Variants in PCDHGB1 observed in about 807,000 individuals in gnomAD.
PCDHGB1 encodes protocadherin gamma-B1.
In PCDHGB1, 34 loss-of-function variants were observed where a neutral mutation model predicts 56.6. That is an observed-to-expected ratio of 0.60 (90% CI 0.46 to 0.80). The LOEUF (loss-of-function observed/expected upper bound fraction) is 0.80, where lower values mean the gene tolerates loss of function less well. PCDHGB1 is among the 30% of genes least tolerant of loss of function. The probability of loss-of-function intolerance (pLI) is 0.00; values close to 1 mark genes in which losing one functional copy is unlikely to be tolerated. For missense variants in PCDHGB1, 1,278 were observed against 1,204.6 expected (o/e 1.06, Z -0.90); for synonymous variants, 561 against 505.9 (o/e 1.11, Z -1.46).
intron 1 of PCDHGB1, chr5:141,374,866 G>T (rs956228027): frequency 3.1e-6 from 5 of 1,613,750 alleles, no homozygotes; most frequent in Non-Finnish European, 4.2e-6. Context: ...GCACACCAGT[G>T]TTGGCAGTGA....
In PCDHGB1 at chr5:141,358,636, T is replaced by C. The variant is rs115557619; in HGVS notation, c.2409+5967T>C. On this transcript the variant is annotated intron_variant, in intron 1 of 3. Coordinates refer to ENST00000523390, the MANE Select transcript of PCDHGB1 (RefSeq NM_018922.3). ...TATTTCCAAGCTAATTTCAGTCATA[T>C]ATAAGTAGATTCTAGGAGTAACTTT... Among the ~76,000 whole-genome samples, 216 of 152,290 alleles carry C rather than the reference T, an allele frequency of 1.4e-3. 2 individuals carry two copies. The highest frequency in any genetic ancestry group is 5.0e-3 in the African/African-American group (206 of 41,584).
Position 141,351,167 on chromosome 5 carries a change from T to C in PCDHGB1, c.907T>C (p.Leu303=). ...TGGCGACATCACAACCAATGGCACA[T>C]TGGATTTTGAAGAGACAAGTAGATA... The part of the protein sequence containing the change: ...NTGDITTNGT[L]DFEETSRYVL... The change falls in exon 1 of 4, where the codon TTG becomes CTG. Residue 303 remains leucine, a synonymous_variant. Coordinates refer to ENST00000523390, the MANE Select transcript of PCDHGB1 (RefSeq NM_018922.3). 4.3e-6 allele frequency: 7 copies of C among 1,613,944 alleles called. No individual in the cohort carries two copies. Among genetic ancestry groups the C allele is most frequent in the Non-Finnish European group, 5.9e-6 (7 of 1,179,862 alleles).
intron 1 of PCDHGB1, chr5:141,372,569 C>T (rs1768882362): frequency 1.9e-6 from 3 of 1,614,034 alleles, no homozygotes; most frequent in African/African-American, 2.7e-5. Context: ...CCACTGAGGG[C>T]TACTTTCAGC....
chr5:141,465,056 G>A (rs908104635), intron 1 of PCDHGB1, among the ~76,000 whole-genome samples: 9 of 151,044 alleles, frequency 6.0e-5, no homozygotes, highest in Non-Finnish European at 1.3e-4. Context: ...ATATTTTTTT[G>A]AATTGTCTGT....
At chr5:141,427,557 A>G (rs1437024906) in intron 1 of PCDHGB1, 1 of 650,060 alleles carries the variant, frequency 1.5e-6, no homozygotes, top group Non-Finnish European at 2.8e-6. Flanking sequence ...TGCCACTGAC[A>G]AGGGCAAGCC....
intron 1 of PCDHGB1, chr5:141,364,834 G>T: frequency 6.2e-7 from 1 of 1,613,982 alleles, no homozygotes. Context: ...ACTCTCTCCG[G>T]AGTTACCAGC....
chr5:141,389,770 C>A, intron 1 of PCDHGB1: 4 of 1,613,166 alleles, frequency 2.5e-6, no homozygotes, highest in Non-Finnish European at 3.4e-6. Context: ...ACAGCGCGTG[C>A]CTTAGGCGAC....
chr5:141,410,104 C>G, intron 1 of PCDHGB1: 1 of 1,612,582 alleles, frequency 6.2e-7, no homozygotes, highest in Non-Finnish European at 8.5e-7. Context: ...CCTTAGGCGA[C>G]AGGGACGCAG....
intron 1 of PCDHGB1, 110 bp from the exon 2 acceptor site, chr5:141,494,697 T>C: frequency 6.3e-7 from 1 of 1,590,934 alleles, no homozygotes; most frequent in Non-Finnish European, 8.6e-7. Flanking sequence ...TAGTCCGTTT[T>C]CTTCTCTGTG....
chr5:141,428,341 C>T, intron 1 of PCDHGB1: 1 of 602,086 alleles, frequency 1.7e-6, no homozygotes, highest in Non-Finnish European at 3.0e-6. Flanking sequence ...GCTCTTCTTC[C>T]TCGCAGTGAT....
intron 1 of PCDHGB1, chr5:141,361,348 G>C: frequency 6.2e-7 from 1 of 1,613,980 alleles, no homozygotes; most frequent in South Asian, 1.1e-5. Context: ...TTACAAACTA[G>C]TGACAGACGG....
intron 1 of PCDHGB1, chr5:141,418,727 C>T: frequency 6.2e-7 from 1 of 1,613,976 alleles, no homozygotes; most frequent in Non-Finnish European, 8.5e-7. Flanking sequence ...CAAAGCTCAG[C>T]ACGTGTTCTC....
chr5:141,419,981 A>G (rs2096455772), intron 1 of PCDHGB1: 2 of 1,613,934 alleles, frequency 1.2e-6, no homozygotes, highest in East Asian at 2.2e-5. Flanking sequence ...CCTCGCGGTG[A>G]TTCTAGCTAT....
chr5:141,394,925 C>T (rs771405918), intron 1 of PCDHGB1: 9 of 1,613,696 alleles, frequency 5.6e-6, no homozygotes, highest in South Asian at 1.1e-5. Context: ...CCTGTGTCTT[C>T]CTCGCCTTTG....
intron 1 of PCDHGB1, among the ~76,000 whole-genome samples, chr5:141,453,999 A>C (rs1561953352): frequency 6.6e-6 from 1 of 152,258 alleles, no homozygotes; most frequent in South Asian, 2.1e-4. Flanking sequence ...ATAAACCCAC[A>C]TAACATTTTA....
chr5:141,371,636 G>A, intron 1 of PCDHGB1: 4 of 1,614,044 alleles, frequency 2.5e-6, no homozygotes, highest in African/African-American at 2.7e-5. Context: ...ACCGGGAGCA[G>A]ATCCCAGAAT....
In PCDHGB1 at chr5:141,376,683, T is replaced by TTTTTTTTTG. The variant is rs1773156952; in HGVS notation, c.2409+24022_2409+24023insGTTTTTTTT. 4 of 803,912 alleles carry TTTTTTTTTG rather than the reference T, an allele frequency of 5.0e-6. 1 individual carries two copies. The highest frequency in any genetic ancestry group is 3.9e-5 in the African/African-American group (2 of 51,902). 49.8% of individuals were successfully genotyped at this position (803,912 alleles called of 1,614,324 possible). A position where few individuals can be genotyped will look rare whatever the true frequency, so the allele number is the denominator to read the frequency against. On this transcript the variant is annotated intron_variant, in intron 1 of 3. Coordinates refer to ENST00000523390, the MANE Select transcript of PCDHGB1 (RefSeq NM_018922.3). ...TGTTCAGGTGAGGGTATCGTTTTTT[T>TTTTTTTTTG]TTTTTTTTTTTTTTGAGACGGAGTC...
At chr5:141,419,747 C>T (rs1322393151) in intron 1 of PCDHGB1, 3 of 1,613,840 alleles carry the variant, frequency 1.9e-6, no homozygotes, top group Admixed American at 1.7e-5. Context: ...GCGCATGGTG[C>T]GTGCTTTGGG....
intron 1 of PCDHGB1, chr5:141,389,674 G>T (rs763404625): frequency 1.2e-6 from 2 of 1,612,448 alleles, no homozygotes; most frequent in Admixed American, 3.3e-5. Flanking sequence ...GCAGACTCAG[G>T]ACACAACGCC....
Sources: gnomAD v4.1 joint callset for allele counts (sites outside exome capture counted in the v4.1 genomes callset) on GRCh38, gnomAD v4.1.1 for gene constraint, MANE v1.5 for transcripts, NCBI Gene and HGNC (gene_info 2026-07-23, HGNC 2026-07-21) for gene names.